The following SLC9A9 variants were observed in gnomAD, a reference collection of about 807,000 sequenced individuals.
The protein encoded by SLC9A9 is solute carrier family 9 member A9.
A neutral mutation model predicts 77.8 loss-of-function variants in SLC9A9; 62 were observed. That is an observed-to-expected ratio of 0.80 (90% CI 0.65 to 0.98). The LOEUF (loss-of-function observed/expected upper bound fraction) is 0.98. SLC9A9 is among the 50% of genes least tolerant of loss of function. The probability of loss-of-function intolerance (pLI) is 0.00; values close to 1 mark genes in which losing one functional copy is unlikely to be tolerated. For missense variants in SLC9A9, 775 were observed against 774.9 expected (o/e 1.00, Z 0.00); for synonymous variants, 320 against 283.5 (o/e 1.13, Z -1.29).
At chr3:143,647,339 T>G (rs2038723339) in intron 6 of SLC9A9, among the ~76,000 whole-genome samples, 1 of 152,244 alleles carries the variant, frequency 6.6e-6, no homozygotes, top group Non-Finnish European at 1.5e-5. Context: ...TGGTTTATCA[T>G]TCGTCATTTA....
intron 9 of SLC9A9, among the ~76,000 whole-genome samples, chr3:143,535,318 C>G (rs1328059288): frequency 6.6e-6 from 1 of 152,138 alleles, no homozygotes; most frequent in Non-Finnish European, 1.5e-5. Context: ...ACAAAATCCA[C>G]TAGTATATAA....
chr3:143,503,580 G>A (rs766472734), intron 9 of SLC9A9: 3 of 422,530 alleles, frequency 7.1e-6, no homozygotes, highest in African/African-American at 4.1e-5. Flanking sequence ...GAACATGGAA[G>A]GATATGCCAA....
intron 4 of SLC9A9, among the ~76,000 whole-genome samples, chr3:143,739,568 T>G (rs1209616437): frequency 1.3e-5 from 2 of 152,240 alleles, no homozygotes; most frequent in Non-Finnish European, 2.9e-5. Flanking sequence ...TTCTTACTAG[T>G]CTTACTTTAT....
At chr3:143,484,502 C>T (rs1340127814) in intron 11 of SLC9A9, among the ~76,000 whole-genome samples, 2 of 152,172 alleles carry the variant, frequency 1.3e-5, no homozygotes, top group African/African-American at 4.8e-5. Context: ...TACCACCCTG[C>T]GTGTGATGAC....
intron 5 of SLC9A9, among the ~76,000 whole-genome samples, chr3:143,673,230 C>T (rs57671316): frequency 0.11 from 16,068 of 152,040 alleles, 1,006 homozygotes; most frequent in African/African-American, 0.16. Context: ...CTGATTATGG[C>T]GAGGGGACAG....
intron 5 of SLC9A9, among the ~76,000 whole-genome samples, chr3:143,691,422 G>A (rs1370996067): frequency 6.6e-6 from 1 of 152,044 alleles, no homozygotes; most frequent in Non-Finnish European, 1.5e-5. Context: ...CCACATTCGA[G>A]AGCTGGCCTG....
At chr3:143,600,106 T>C (rs1178078639) in intron 6 of SLC9A9, among the ~76,000 whole-genome samples, 1 of 152,142 alleles carries the variant, frequency 6.6e-6, no homozygotes, top group Non-Finnish European at 1.5e-5. Context: ...GGCATACATG[T>C]GACATGGTGG....
chr3:143,732,541 G>C (rs1934832940), intron 4 of SLC9A9, among the ~76,000 whole-genome samples: 1 of 152,182 alleles, frequency 6.6e-6, no homozygotes, highest in South Asian at 2.1e-4. Context: ...GCGTGTGACT[G>C]TCTCAATGAG....
At chr3:143,733,909 C>A (rs1405937760) in intron 4 of SLC9A9, among the ~76,000 whole-genome samples, 1 of 152,074 alleles carries the variant, frequency 6.6e-6, no homozygotes, top group Non-Finnish European at 1.5e-5. Flanking sequence ...ACTAAGAAAA[C>A]CTTGAGACTG....
At chr3:143,525,256 T>C (rs1259626265) in intron 9 of SLC9A9, among the ~76,000 whole-genome samples, 2 of 152,214 alleles carry the variant, frequency 1.3e-5, no homozygotes, top group Non-Finnish European at 2.9e-5. Flanking sequence ...TTTAAATTAA[T>C]ACAGATCAAC....
chr3:143,792,236 A>G (rs192286326), intron 4 of SLC9A9, among the ~76,000 whole-genome samples: 1 of 152,330 alleles, frequency 6.6e-6, no homozygotes, highest in African/African-American at 2.4e-5. Context: ...TATAAGAAAA[A>G]TACAGCCAGT....
chr3:143,286,629 G>A (rs955971356), intron 14 of SLC9A9, among the ~76,000 whole-genome samples: 4 of 152,152 alleles, frequency 2.6e-5, no homozygotes, highest in African/African-American at 9.7e-5. Flanking sequence ...GACTAAAGCT[G>A]CCATTGTTTT....
rs1033410222 is a variant in SLC9A9, at chr3:143,623,527, T to C, written c.755+28728A>G. ...TCCTGAATGACTACTGGGTATGTAA[T>C]GAAATGAAGGCAGAAATAAAGATGT... is the stretch of plus-strand genomic sequence containing the variant. On this transcript the variant is annotated intron_variant, in intron 6 of 15. Transcript: ENST00000316549. Among the ~76,000 whole-genome samples the C allele has an allele frequency of 1.4e-4, 22 of 152,128 alleles. No individual in the cohort carries two copies. The South Asian group carries it at 3.3e-3, about 23-fold the overall frequency.
At chr3:143,497,194 T>C (rs1488092028) in intron 9 of SLC9A9, among the ~76,000 whole-genome samples, 4 of 152,170 alleles carry the variant, frequency 2.6e-5, no homozygotes, top group African/African-American at 7.2e-5. Flanking sequence ...AAGGTTAAAT[T>C]TGTAGTGCCT....
chr3:143,571,537 G>A, intron 8 of SLC9A9, among the ~76,000 whole-genome samples: 1 of 152,004 alleles, frequency 6.6e-6, no homozygotes, highest in East Asian at 1.9e-4. Context: ...CCATTCTGGT[G>A]TTCAAAGGCC....
intron 12 of SLC9A9, among the ~76,000 whole-genome samples, chr3:143,386,516 T>A (rs2033429710): frequency 6.6e-6 from 1 of 152,242 alleles, no homozygotes; most frequent in African/African-American, 2.4e-5. Context: ...ATTAGAGAAC[T>A]CATTTCACAG....
chr3:143,734,787 T>C (rs532118858), intron 4 of SLC9A9, among the ~76,000 whole-genome samples: 1 of 150,274 alleles, frequency 6.7e-6, no homozygotes, highest in African/African-American at 2.4e-5. Flanking sequence ...GATTCATCAA[T>C]GTGTTCAATG....
At chr3:143,633,362 A>G (rs751242319) in intron 6 of SLC9A9, among the ~76,000 whole-genome samples, 8 of 152,204 alleles carry the variant, frequency 5.3e-5, no homozygotes, top group Non-Finnish European at 1.0e-4. Context: ...ACTTACATTT[A>G]TATGCATTGC....
chr3:143,467,326 A>C (rs1490928912), intron 11 of SLC9A9, 136 bp from the exon 12 acceptor site: 1 of 1,027,550 alleles, frequency 9.7e-7, no homozygotes, highest in Non-Finnish European at 1.4e-6. Flanking sequence ...AGATTCATAA[A>C]GAGTTGTAAG....
Sources: allele counts gnomAD v4.1 joint callset (sites outside exome capture counted in the v4.1 genomes callset), GRCh38; gene constraint gnomAD v4.1.1; transcripts MANE v1.5; gene names NCBI Gene and HGNC (gene_info 2026-07-23, HGNC 2026-07-21).